ZNF471: variants seen among roughly 807,000 people sequenced by gnomAD.
The protein encoded by ZNF471 is EZFIT-related protein 1.
In ZNF471, 7 loss-of-function variants were observed where a neutral mutation model predicts 13.7. The observed-to-expected ratio is 0.51, with a 90% CI of 0.29 to 0.96. The LOEUF is 0.96. ZNF471 is among the 40% of genes least tolerant of loss of function. The probability of loss-of-function intolerance (pLI) is 0.08; values close to 1 mark genes in which losing one functional copy is unlikely to be tolerated. For synonymous variants in ZNF471, 218 were observed against 235.6 expected (o/e 0.93, Z 0.68); for missense variants, 663 against 743.3 (o/e 0.89, Z 1.26).
chr19:56,508,229 CTGTGTG>C lies in ZNF471; in HGVS notation c.-56+328_-56+333del, dbSNP rs3219817. ...GAGGCTCCGTGAGAGGGTGTGGTTT[CTGTGTG>C]TGTGTGTGTGTGTGTGTGACAGACC... On this transcript the variant is annotated intron_variant, in intron 1 of 4. Coordinates refer to ENST00000308031, the MANE Select transcript of ZNF471 (RefSeq NM_020813.4). This position sits in a 1 kb window ranked among gnomAD's most constrained non-coding sequence, Gnocchi z 4.7. 2.5e-4 allele frequency: 203 copies of C among 804,700 alleles called. No individual in the cohort carries two copies. Among genetic ancestry groups the C allele is most frequent in the Admixed American group, 1.3e-3 (20 of 15,262 alleles). 49.8% of individuals were successfully genotyped at this position (804,700 alleles called of 1,614,324 possible). A position where few individuals can be genotyped will look rare whatever the true frequency, so the allele number is the denominator to read the frequency against.
At chr19:56,518,841 A>G (rs1446553497) in intron 4 of ZNF471, among the ~76,000 whole-genome samples, 1 of 152,154 alleles carries the variant, frequency 6.6e-6, no homozygotes, top group Non-Finnish European at 1.5e-5. Context: ...ATCATTATCC[A>G]GCTCCTTACC....
In ZNF471 at chr19:56,509,823, T is replaced by C. The variant is rs146870510; in HGVS notation, c.-55-1694T>C. 331 of 985,230 alleles carry C rather than the reference T, an allele frequency of 3.4e-4. 2 individuals carry two copies. The African/African-American group carries it at 5.3e-3, about 16-fold the overall frequency. The allele number at this position is 985,230 out of a possible 1,614,324, so 61.0% of individuals were successfully genotyped here. On this transcript the variant is annotated intron_variant, in intron 1 of 4. Coordinates refer to ENST00000308031, the MANE Select transcript of ZNF471 (RefSeq NM_020813.4). ...AGTGGAGTAGGAGAAACAGTTTGTT[T>C]TTCCTCTTTGTCACCTGAGTGTGTT... is the stretch of plus-strand genomic sequence containing the variant.
chr19:56,524,521 A>G lies in ZNF471; in HGVS notation c.454A>G (p.Thr152Ala). 6.2e-7 allele frequency: 1 copy of G among 1,604,674 alleles called. No homozygotes were observed. Among genetic ancestry groups the G allele is most frequent in the Non-Finnish European group, 8.5e-7 (1 of 1,177,596 alleles). Residue 152 changes from threonine to alanine, a missense_variant, in exon 5 of 5, where the codon ACC becomes GCC. Coordinates refer to ENST00000308031, the MANE Select transcript of ZNF471 (RefSeq NM_020813.4). This position sits in a 1 kb window ranked among gnomAD's most constrained non-coding sequence, Gnocchi z 4.8. ...SKKEIITHKETITKETEFKYT... is the reference protein window; with the variant it reads ...SKKEIITHKEAITKETEFKYT... ...GAAAGAAATAATCACTCATAAAGAA[A>G]CCATCACTAAGGAAACAGAATTCAA...
rs569771202 is a variant in ZNF471 at position 56,510,984 on chromosome 19, T to G, written c.-55-533T>G. ...TTCCATCGTTTCAGGGTGAGGAAAG[T>G]GAAACAGTGCCGGGGGGTGGGTCAG... On this transcript the variant is annotated intron_variant, in intron 1 of 4. Coordinates refer to ENST00000308031, the MANE Select transcript of ZNF471 (RefSeq NM_020813.4). This position sits in a 1 kb window ranked among gnomAD's most constrained non-coding sequence, Gnocchi z 4.3. The G allele has an allele frequency of 4.1e-6, 4 of 984,368 alleles. No individual in the cohort carries two copies. In the East Asian group the frequency reaches 4.6e-4, roughly 112 times the overall value. 61.0% of individuals were successfully genotyped at this position (984,368 alleles called of 1,614,324 possible).
rs1280072079 is a variant in ZNF471 at position 56,511,061 on chromosome 19, T to C, written c.-55-456T>C. The C allele has an allele frequency of 3.1e-6, 3 of 975,666 alleles. No individual in the cohort carries two copies. The East Asian group carries it at 3.5e-4, about 112-fold the overall frequency. 60.4% of individuals were successfully genotyped at this position (975,666 alleles called of 1,614,324 possible). A position where few individuals can be genotyped will look rare whatever the true frequency, so the allele number is the denominator to read the frequency against. On this transcript the variant is annotated intron_variant, in intron 1 of 4. Coordinates refer to ENST00000308031, the MANE Select transcript of ZNF471 (RefSeq NM_020813.4). ...GAAGGAGGATAACCCTGGCCTCTGGTGGCATTTGGGAGTCAGATTTTCCTT... is the reference window on the plus strand; with the variant it reads ...GAAGGAGGATAACCCTGGCCTCTGGCGGCATTTGGGAGTCAGATTTTCCTT...
At position 56,525,988 on chromosome 19, in the gene ZNF471, TC is replaced by T. The variant is rs2044042102; in HGVS notation, c.*44del. ...TGGCCAAGCCTTTAGTTATCACCAA[TC>T]CCCTACTGTTAATCAGAGATGTCCC... On this transcript the variant is annotated 3_prime_UTR_variant, in exon 5 of 5. Coordinates refer to ENST00000308031, the MANE Select transcript of ZNF471 (RefSeq NM_020813.4). 1 of 1,491,304 alleles carries T rather than the reference TC, an allele frequency of 6.7e-7. No individual in the cohort carries two copies. The highest frequency in any genetic ancestry group is 2.3e-5 in the Admixed American group (1 of 43,424). The allele number at this position is 1,491,304 out of a possible 1,614,324, so 92.4% of individuals were successfully genotyped here.
chr19:56,527,449 G>A lies in ZNF471; in HGVS notation c.*1501G>A, dbSNP rs1186368474. ...AAGGATCACAACTCCTTGCCGGCAA[G>A]GGAACAAAACTGGATAGAGAATGAG... On this transcript the variant is annotated 3_prime_UTR_variant, in exon 5 of 5. Coordinates refer to ENST00000308031, the MANE Select transcript of ZNF471 (RefSeq NM_020813.4). The A allele has an allele frequency of 5.3e-5, 8 of 152,158 alleles. No homozygotes were observed. Among genetic ancestry groups the A allele is most frequent in the Non-Finnish European group, 1.0e-4 (7 of 68,022 alleles). The allele number at this position is 152,158 out of a possible 1,614,324, so 9.4% of individuals were successfully genotyped here. A position where few individuals can be genotyped will look rare whatever the true frequency, so the allele number is the denominator to read the frequency against.
In ZNF471 at chr19:56,508,282, G is replaced by GGT. The variant is rs2043761804; in HGVS notation, c.-56+363_-56+364dup. 1.3e-6 allele frequency: 1 copy of GGT among 749,122 alleles called. No homozygotes were observed. The allele number at this position is 749,122 out of a possible 1,614,324, so 46.4% of individuals were successfully genotyped here. A position where few individuals can be genotyped will look rare whatever the true frequency, so the allele number is the denominator to read the frequency against. ...GACCGAGAGTCCAGTGTGAGACCAG[G>GGT]GTATGTTCGTGTGTGACAGAGCGAG... On this transcript the variant is annotated intron_variant, in intron 1 of 4. Transcript: ENST00000308031. The surrounding 1 kb of genome is among the most constrained non-coding windows in gnomAD (Gnocchi z 4.7).
chr19:56,520,904 A>C (rs896890624), intron 4 of ZNF471, among the ~76,000 whole-genome samples: 1 of 152,242 alleles, frequency 6.6e-6, no homozygotes, highest in Non-Finnish European at 1.5e-5. Context: ...GACATACCTG[A>C]GACTGGGTAG....
chr19:56,514,936 TACTC>T (rs141711205), intron 2 of ZNF471, among the ~76,000 whole-genome samples: 20,724 of 152,168 alleles, frequency 0.14, 1,717 homozygotes, highest in Middle Eastern at 0.2. Flanking sequence ...TTTAGTCACT[TACTC>T]AGTATTAATC....
At position 56,528,081 on chromosome 19, in the gene ZNF471, T is replaced by C. The variant is rs1025435392; in HGVS notation, c.*2133T>C. On this transcript the variant is annotated 3_prime_UTR_variant, in exon 5 of 5. Transcript: ENST00000308031. ...AGAAAAAAAAAAAGTCTGTGCATAG[T>C]TTTAGTGATACACCACCTCCGATAA... The C allele has an allele frequency of 1.3e-5, 2 of 152,010 alleles. No individual in the cohort carries two copies. The highest frequency in any genetic ancestry group is 2.9e-5 in the Non-Finnish European group (2 of 68,006). The allele number at this position is 152,010 out of a possible 1,614,324, so 9.4% of individuals were successfully genotyped here. A position where few individuals can be genotyped will look rare whatever the true frequency, so the allele number is the denominator to read the frequency against.
At chr19:56,518,682 C>A in intron 4 of ZNF471, 105 bp downstream of exon 4, 2 of 887,284 alleles carry the variant, frequency 2.3e-6, no homozygotes, top group Non-Finnish European at 1.7e-6. Context: ...TCTTCATAAG[C>A]CTTACAGGCC....
rs374399468 is a variant in ZNF471 at position 56,525,187 on chromosome 19, C to G, written c.1120C>G (p.Pro374Ala). 1.4e-4 allele frequency: 233 copies of G among 1,614,024 alleles called. 2 individuals are homozygous for G. The highest frequency in any genetic ancestry group is 1.8e-4 in the Non-Finnish European group (217 of 1,180,028). ...GAGGAGTTATCATACTGGAGAGAAG[C>G]CTTTTAATTGCATTGATTGTGGGAA... Reference protein sequence around the residue: ...HWRSYHTGEKPFNCIDCGKAF... With the variant: ...HWRSYHTGEKAFNCIDCGKAF... The change falls in exon 5 of 5, where the codon CCT becomes GCT. Residue 374 changes from proline to alanine, a missense_variant. Coordinates refer to ENST00000308031, the MANE Select transcript of ZNF471 (RefSeq NM_020813.4).
At chr19:56,523,819 TTTTTTG>T (rs1183897874) in intron 4 of ZNF471, among the ~76,000 whole-genome samples, 4 of 152,104 alleles carry the variant, frequency 2.6e-5, no homozygotes, top group Admixed American at 2.0e-4. Flanking sequence ...TTTGTTTTTG[TTTTTTG>T]TTTTTGTTTT....
chr19:56,511,079 T>G, intron 1 of ZNF471: 2 of 965,372 alleles, frequency 2.1e-6, no homozygotes. Context: ...GGGAGTCAGA[T>G]TTTCCTTTTT....
In ZNF471 at chr19:56,526,181, G is replaced by A. The variant is rs900108494; in HGVS notation, c.*233G>A. The A allele has an allele frequency of 1.9e-5, 9 of 465,220 alleles. No individual in the cohort carries two copies. Among genetic ancestry groups the A allele is most frequent in the African/African-American group, 1.8e-4 (9 of 51,240 alleles). 28.8% of individuals were successfully genotyped at this position (465,220 alleles called of 1,614,324 possible). A position where few individuals can be genotyped will look rare whatever the true frequency, so the allele number is the denominator to read the frequency against. The stretch of plus-strand genomic sequence containing the variant: ...CTGAGGTACCTGGCTCATCTCATTG[G>A]GACTGGTTAGACAGTGGGTGCAGCC... On this transcript the variant is annotated 3_prime_UTR_variant, in exon 5 of 5. Coordinates refer to ENST00000308031, the MANE Select transcript of ZNF471 (RefSeq NM_020813.4).
In ZNF471 at chr19:56,525,757, A is replaced by G; in HGVS notation, c.1690A>G (p.Ile564Val). The change falls in exon 5 of 5, where the codon ATT (isoleucine) becomes GTT (valine). Residue 564 changes from isoleucine to valine, a missense_variant. By Grantham distance (29) the Ile-to-Val change is conservative (BLOSUM62 3). Coordinates refer to ENST00000308031, the MANE Select transcript of ZNF471 (RefSeq NM_020813.4). ...QTSNLTQHQR[I>V]HTGEKPYKCT... ...TTCCAATCTTACTCAACATCAAAGA[A>G]TTCATACTGGAGAGAAACCCTATAA... is the stretch of plus-strand genomic sequence containing the variant. The G allele has an allele frequency of 6.2e-7, 1 of 1,613,878 alleles. No homozygotes were observed. The highest frequency in any genetic ancestry group is 8.5e-7 in the Non-Finnish European group (1 of 1,179,840).
In ZNF471 at chr19:56,518,474, A is replaced by G; in HGVS notation, c.161-8A>G. ...TGACCAATTTTCATGTCTTTTTTTTATATGTAGGTCTTTGCATTTCTAAGC... is the reference window on the plus strand; with the variant it reads ...TGACCAATTTTCATGTCTTTTTTTTGTATGTAGGTCTTTGCATTTCTAAGC... On this transcript the variant is annotated splice_polypyrimidine_tract_variant and splice_region_variant and intron_variant, in intron 3 of 4. Transcript: ENST00000308031. 6.2e-7 allele frequency: 1 copy of G among 1,607,554 alleles called. No homozygotes were observed. Among genetic ancestry groups the G allele is most frequent in the Non-Finnish European group, 8.5e-7 (1 of 1,176,930 alleles).
rs558489950 is a variant in ZNF471 at position 56,522,450 on chromosome 19, T to C, written c.257-1874T>C. 6.6e-6 allele frequency among the ~76,000 whole-genome samples: 1 copy of C among 152,344 alleles called. No individual in the cohort carries two copies. The highest frequency in any genetic ancestry group is 2.4e-5 in the African/African-American group (1 of 41,578). On this transcript the variant is annotated intron_variant, in intron 4 of 4. Coordinates refer to ENST00000308031, the MANE Select transcript of ZNF471 (RefSeq NM_020813.4). This position sits in a 1 kb window ranked among gnomAD's most constrained non-coding sequence, Gnocchi z 4.1. ...TGTTGGTCTTGTCTTCCTAAATTAC[T>C]TTCTAAACTTTTCAAGAACAATTCC...
Sources: gnomAD v4.1 joint callset for allele counts (sites outside exome capture counted in the v4.1 genomes callset) on GRCh38, gnomAD v4.1.1 for gene constraint, Gnocchi (gnomAD v3.1) non-coding constraint, MANE v1.5 for transcripts, NCBI Gene and HGNC (gene_info 2026-07-23, HGNC 2026-07-21) for gene names.